SMC1B: variants seen among roughly 807,000 people sequenced by gnomAD.
The protein encoded by SMC1B is structural maintenance of chromosomes protein 1B.
A neutral mutation model predicts 157.9 loss-of-function variants in SMC1B; 60 were observed. That is an observed-to-expected ratio of 0.38 (90% CI 0.31 to 0.47). The LOEUF (loss-of-function observed/expected upper bound fraction) is 0.47. Among genes scored for constraint, SMC1B ranks in the 20% least tolerant of loss-of-function variants. The pLI, the probability that SMC1B is intolerant of heterozygous loss-of-function variation, is 0.99. For missense variants in SMC1B, 1,165 were observed against 1,426.2 expected (o/e 0.82, Z 2.95); for synonymous variants, 445 against 483.0 (o/e 0.92, Z 1.03).
At chr22:45,351,057 A>G (rs2086610836) in intron 22 of SMC1B, among the ~76,000 whole-genome samples, 2 of 152,042 alleles carry the variant, frequency 1.3e-5, no homozygotes, top group African/African-American at 4.8e-5. Flanking sequence ...TCTTTGCTCA[A>G]ATGTTACCTT....
chr22:45,379,672 A>T (rs2086915871), intron 12 of SMC1B, among the ~76,000 whole-genome samples: 1 of 147,682 alleles, frequency 6.8e-6, no homozygotes, highest in Non-Finnish European at 1.5e-5. Context: ...TATTATAATT[A>T]GGTCTATTCT....
In SMC1B at chr22:45,361,899, C is replaced by G. The variant is rs1434052905; in HGVS notation, c.2648G>C (p.Ser883Thr). Residue 883 changes from serine (S) to threonine (T), a missense_variant, in exon 17 of 25, where the codon AGT becomes ACT. By Grantham distance (58) the Ser-to-Thr change is moderately conservative. Transcript: ENST00000357450. Reference protein sequence around the residue: ...LKDIRVTQNSSAEKVQTQIEE... With the variant: ...LKDIRVTQNSTAEKVQTQIEE... ...AATTTGAGTTTGAACTTTCTCGGCA[C>G]TGGAGTTCTGAGTGACACGTATGTC... 1 of 1,614,172 alleles carries G rather than the reference C, an allele frequency of 6.2e-7. No homozygotes were observed.
At chr22:45,402,915 G>A (rs992464221) in intron 4 of SMC1B, among the ~76,000 whole-genome samples, 2 of 152,186 alleles carry the variant, frequency 1.3e-5, no homozygotes, top group Non-Finnish European at 2.9e-5. Flanking sequence ...AAAGAAGAGT[G>A]TGATATGACT....
Position 45,396,422 on chromosome 22 carries a change from AGTT to A in SMC1B, c.1175_1177del (p.Gln392del). The A allele has an allele frequency of 6.2e-7, 1 of 1,613,042 alleles. No homozygotes were observed. Among genetic ancestry groups the A allele is most frequent in the Non-Finnish European group, 8.5e-7 (1 of 1,179,544 alleles). On this transcript the variant is annotated inframe_deletion, in exon 7 of 25. Coordinates refer to ENST00000357450, the MANE Select transcript of SMC1B (RefSeq NM_148674.5). ...CTTCTGTTCCCACTGCAGTTTTTCC[AGTT>A]GTTGAGTCATTGTAGCTACTTTCTT...
At chr22:45,371,359 A>G (rs2086829179) in intron 14 of SMC1B, 112 bp downstream of exon 14, 2 of 1,364,490 alleles carry the variant, frequency 1.5e-6, no homozygotes, top group Non-Finnish European at 1.9e-6. Flanking sequence ...TGTTTCTGAC[A>G]GGGCACTGTT....
chr22:45,411,727 C>T (rs1175662612), intron 1 of SMC1B, among the ~76,000 whole-genome samples: 2 of 152,032 alleles, frequency 1.3e-5, no homozygotes. Flanking sequence ...GCTGGGACTA[C>T]AGGCGTGCGC....
intron 19 of SMC1B, among the ~76,000 whole-genome samples, chr22:45,356,608 G>C (rs2086672033): frequency 6.6e-6 from 1 of 151,934 alleles, no homozygotes; most frequent in Non-Finnish European, 1.5e-5. Context: ...GAGTAGGCAG[G>C]AAACAGTCAA....
intron 2 of SMC1B, among the ~76,000 whole-genome samples, chr22:45,407,511 G>A (rs912609070): frequency 6.6e-6 from 1 of 151,760 alleles, no homozygotes; most frequent in African/African-American, 2.4e-5. Flanking sequence ...GACCAGGTTG[G>A]AGTGCAGTGG....
intron 10 of SMC1B, 144 bp from the exon 11 acceptor site, chr22:45,387,190 G>A: frequency 4.4e-6 from 3 of 680,228 alleles, no homozygotes; most frequent in Non-Finnish European, 7.0e-6. Flanking sequence ...GCTCACGCCT[G>A]TAATCCCAGA....
intron 6 of SMC1B, 50 bp downstream of exon 6, chr22:45,399,045 C>A (rs79154): frequency 0.51 from 795,880 of 1,545,752 alleles, 213,648 homozygotes; most frequent in African/African-American, 0.88. Flanking sequence ...TAATTCAAAG[C>A]AGCTGAAATA....
chr22:45,399,084 T>C lies in SMC1B; in HGVS notation c.1113+11A>G. 1 of 1,603,438 alleles carries C rather than the reference T, an allele frequency of 6.2e-7. No individual in the cohort carries two copies. The highest frequency in any genetic ancestry group is 8.5e-7 in the Non-Finnish European group (1 of 1,177,318). On this transcript the variant is annotated intron_variant, in intron 6 of 24. Coordinates refer to ENST00000357450, the MANE Select transcript of SMC1B (RefSeq NM_148674.5). ...GAAACACAAGATTTCCCCTAAGTTG[T>C]CCTTTTTTACCTGACTGGCTTCCAG...
intron 15 of SMC1B, among the ~76,000 whole-genome samples, chr22:45,367,583 C>A (rs899124483): frequency 5.3e-5 from 8 of 152,156 alleles, no homozygotes; most frequent in African/African-American, 1.9e-4. Context: ...GGATGCTAGT[C>A]CTGCTTCACT....
In SMC1B at chr22:45,372,262, C is replaced by G. The variant is rs772876307; in HGVS notation, c.2089G>C (p.Asp697His). The G allele has an allele frequency of 1.4e-5, 22 of 1,606,862 alleles. No homozygotes were observed. The highest frequency in any genetic ancestry group is 1.7e-5 in the Non-Finnish European group (20 of 1,177,518). Reference protein sequence around the residue: ...GLMKTLRKETDLKQIQTLIQG... With the variant: ...GLMKTLRKETHLKQIQTLIQG... The stretch of plus-strand genomic sequence containing the variant: ...ATCAGGGTCTGTATTTGTTTCAAAT[C>G]TGTTTCTTTGCGGAGTGTCTTCATT... The change falls in exon 13 of 25, where the codon GAT (aspartate) becomes CAT (histidine). Residue 697 changes from aspartate to histidine, a missense_variant. Transcript: ENST00000357450.
chr22:45,377,075 C>CT (rs539036874), intron 12 of SMC1B, among the ~76,000 whole-genome samples: 101 of 152,092 alleles, frequency 6.6e-4, no homozygotes, highest in Middle Eastern at 3.4e-3. Context: ...AAACATTTCA[C>CT]TTTTTTTTGT....
At chr22:45,349,880 G>T (rs2146755792) in intron 22 of SMC1B, 83 bp from the exon 23 acceptor site, 2 of 1,085,602 alleles carry the variant, frequency 1.8e-6, no homozygotes, top group Non-Finnish European at 2.7e-6. Flanking sequence ...ACAGTATTCA[G>T]AATAAATAAA....
chr22:45,399,894 T>C (rs951596181), intron 5 of SMC1B, among the ~76,000 whole-genome samples: 3 of 152,158 alleles, frequency 2.0e-5, no homozygotes, highest in African/African-American at 7.2e-5. Context: ...TTACACGTGA[T>C]TACTGGAAAT....
At chr22:45,395,491 T>C (rs1360526786) in intron 7 of SMC1B, among the ~76,000 whole-genome samples, 3 of 152,210 alleles carry the variant, frequency 2.0e-5, no homozygotes, top group Non-Finnish European at 4.4e-5. Context: ...CTGCCTTTAA[T>C]AAGCTTCCAG....
intron 9 of SMC1B, among the ~76,000 whole-genome samples, chr22:45,390,550 A>G (rs1394176256): frequency 6.6e-6 from 1 of 151,864 alleles, no homozygotes; most frequent in Non-Finnish European, 1.5e-5. Flanking sequence ...TACTAAAAAT[A>G]CAAAAATTAC....
intron 12 of SMC1B, among the ~76,000 whole-genome samples, chr22:45,374,617 CT>C (rs1468834105): frequency 6.6e-6 from 1 of 152,130 alleles, no homozygotes; most frequent in East Asian, 1.9e-4. Flanking sequence ...TGTTTTCCTT[CT>C]TTTTTCCCCA....
Sources: gnomAD v4.1 joint callset for allele counts (sites outside exome capture counted in the v4.1 genomes callset) on GRCh38, gnomAD v4.1.1 for gene constraint, MANE v1.5 for transcripts, NCBI Gene and HGNC (gene_info 2026-07-23, HGNC 2026-07-21) for gene names.